Variants in DLG2 observed in about 807,000 individuals in gnomAD.
The protein encoded by DLG2 is disks large homolog 2.
In DLG2, 45 loss-of-function variants were observed where a neutral mutation model predicts 132.5. The ratio of observed to expected loss-of-function variants is 0.34; its 90% CI spans 0.27 to 0.44. The LOEUF (loss-of-function observed/expected upper bound fraction) is 0.44, where lower values mean the gene tolerates loss of function less well. DLG2 is among the 20% of genes least tolerant of loss of function. DLG2 has a pLI of 1.00. For synonymous variants in DLG2, 424 were observed against 419.6 expected, an observed-to-expected ratio of 1.01 and a Z score of -0.13; for missense variants, 1,045 against 1,196.9, an observed-to-expected ratio of 0.87 and a Z score of 1.87.
intron 17 of DLG2, among the ~76,000 whole-genome samples, chr11:83,807,792 G>T (rs1204717221): frequency 6.6e-6 from 1 of 152,086 alleles, no homozygotes; most frequent in Non-Finnish European, 1.5e-5. Context: ...CTTTGCTGAG[G>T]TCAACTTTAA....
intron 11 of DLG2, among the ~76,000 whole-genome samples, chr11:83,998,437 A>G (rs2094163820): frequency 6.6e-6 from 1 of 152,222 alleles, no homozygotes; most frequent in South Asian, 2.1e-4. Context: ...AAGAGAAAAT[A>G]CTGGAATGTA....
At chr11:83,839,316 CA>C (rs2057016953) in intron 16 of DLG2, among the ~76,000 whole-genome samples, 1 of 151,968 alleles carries the variant, frequency 6.6e-6, no homozygotes, top group Non-Finnish European at 1.5e-5. Flanking sequence ...AGATAAATGA[CA>C]AAAAATAAAT....
intron 18 of DLG2, among the ~76,000 whole-genome samples, chr11:83,639,192 T>C (rs2065691890): frequency 6.6e-6 from 1 of 152,086 alleles, no homozygotes; most frequent in Admixed American, 6.5e-5. Flanking sequence ...TGGCCTGCCC[T>C]CCCCCTTTCC....
chr11:85,113,577 A>G (rs750373892), intron 5 of DLG2, among the ~76,000 whole-genome samples: 1 of 152,082 alleles, frequency 6.6e-6, no homozygotes, highest in Non-Finnish European at 1.5e-5. Context: ...TCATGTGAAC[A>G]TAAATTATTC....
chr11:84,537,891 C>T (rs2099359328), intron 6 of DLG2, among the ~76,000 whole-genome samples: 2 of 152,174 alleles, frequency 1.3e-5, no homozygotes, highest in African/African-American at 4.8e-5. Flanking sequence ...TGGATGAAAA[C>T]TTTTTCACTA....
At chr11:84,879,129 T>C (rs1041491310) in intron 6 of DLG2, among the ~76,000 whole-genome samples, 7 of 152,108 alleles carry the variant, frequency 4.6e-5, no homozygotes, top group African/African-American at 1.7e-4. Flanking sequence ...CTCTAGCTTC[T>C]TAGCAACTAG....
intron 6 of DLG2, among the ~76,000 whole-genome samples, chr11:84,912,408 G>A (rs937563322): frequency 2.0e-5 from 3 of 152,162 alleles, no homozygotes; most frequent in South Asian, 2.1e-4. Flanking sequence ...CGCCCGCCTG[G>A]GCCTCCCAAA....
intron 8 of DLG2, among the ~76,000 whole-genome samples, chr11:84,173,238 G>A (rs1338167194): frequency 6.6e-6 from 1 of 152,200 alleles, no homozygotes; most frequent in Non-Finnish European, 1.5e-5. Context: ...ACCATGTGCA[G>A]GATGGAGAAT....
At chr11:85,455,180 A>G (rs1357545905) in intron 3 of DLG2, among the ~76,000 whole-genome samples, 2 of 151,984 alleles carry the variant, frequency 1.3e-5, no homozygotes, top group Non-Finnish European at 2.9e-5. Context: ...CCATTTGTGT[A>G]TGTCATCTCT....
chr11:84,082,869 T>C (rs758407979), intron 10 of DLG2, among the ~76,000 whole-genome samples: 7 of 152,214 alleles, frequency 4.6e-5, no homozygotes, highest in Middle Eastern at 3.2e-3. Flanking sequence ...CTAGATGTTA[T>C]AGAAAATAGA....
chr11:83,791,633 A>G (rs1349713866), intron 17 of DLG2: 2 of 356,486 alleles, frequency 5.6e-6, no homozygotes, highest in East Asian at 7.5e-5. Flanking sequence ...CACTTCTGGC[A>G]TGATGGAATG....
rs536206613 is a variant in DLG2 at position 85,059,027 on chromosome 11, T to C, written c.357+52634A>G. 3.3e-5 allele frequency among the ~76,000 whole-genome samples: 5 copies of C among 151,442 alleles called. 1 individual carries two copies. In the South Asian group the frequency reaches 1.0e-3, roughly 31 times the overall value. On this transcript the variant is annotated intron_variant, in intron 6 of 27. Coordinates refer to ENST00000376104, the MANE Select transcript of DLG2 (RefSeq NM_001142699.3). Reference sequence around the variant, plus strand: ...ATAAATTGGACAAAATTAAAAGTAATAACTTTAGTTCAAAAGTCGCCGTTA... The same window carrying C: ...ATAAATTGGACAAAATTAAAAGTAACAACTTTAGTTCAAAAGTCGCCGTTA...
chr11:84,974,132 G>A (rs2054530173), intron 6 of DLG2, among the ~76,000 whole-genome samples: 1 of 152,210 alleles, frequency 6.6e-6, no homozygotes, highest in Admixed American at 6.5e-5. Flanking sequence ...GTCCAAGGCA[G>A]GACTTGACTA....
intron 4 of DLG2, among the ~76,000 whole-genome samples, chr11:85,217,143 A>G (rs1370729764): frequency 6.6e-6 from 1 of 152,146 alleles, no homozygotes; most frequent in Non-Finnish European, 1.5e-5. Context: ...AGGGAGAGTA[A>G]GACTCCAAAA....
At chr11:85,080,175 T>A (rs905726356) in intron 6 of DLG2, among the ~76,000 whole-genome samples, 7 of 151,988 alleles carry the variant, frequency 4.6e-5, no homozygotes, top group African/African-American at 1.4e-4. Flanking sequence ...GAGGGATAGG[T>A]GCTTTTATAT....
chr11:83,709,660 A>G (rs1266733486), intron 18 of DLG2, among the ~76,000 whole-genome samples: 1 of 152,204 alleles, frequency 6.6e-6, no homozygotes, highest in Non-Finnish European at 1.5e-5. Context: ...AAAGAACTTC[A>G]GGTTACATAA....
chr11:83,604,462 C>T (rs993226098), intron 19 of DLG2, among the ~76,000 whole-genome samples: 1 of 152,160 alleles, frequency 6.6e-6, no homozygotes, highest in African/African-American at 2.4e-5. Flanking sequence ...AATATCCTCA[C>T]CTGCTTTTTT....
intron 18 of DLG2, among the ~76,000 whole-genome samples, chr11:83,662,898 T>C (rs1289786800): frequency 1.3e-5 from 2 of 152,168 alleles, no homozygotes; most frequent in African/African-American, 2.4e-5. Flanking sequence ...CTACAGTATC[T>C]TACAGTTTCC....
At chr11:85,531,522 AT>A (rs969969489) in intron 3 of DLG2, among the ~76,000 whole-genome samples, 2 of 152,196 alleles carry the variant, frequency 1.3e-5, no homozygotes, top group African/African-American at 4.8e-5. Context: ...TCACAAACCA[AT>A]GGAATTTTAA....
Sources: allele counts gnomAD v4.1 joint callset (sites outside exome capture counted in the v4.1 genomes callset), GRCh38; gene constraint gnomAD v4.1.1; transcripts MANE v1.5; gene names NCBI Gene and HGNC (gene_info 2026-07-23, HGNC 2026-07-21).